GNAO1: variants seen among roughly 807,000 people sequenced by gnomAD.
The protein encoded by GNAO1 is G protein subunit alpha o1.
For missense variants in GNAO1, 166 were observed against 478.7 expected, an observed-to-expected ratio of 0.35 and a Z score of 6.10; for synonymous variants, 164 against 180.7, an observed-to-expected ratio of 0.91 and a Z score of 0.74.
At chr16:56,341,467 G>T (rs560161566) in intron 6 of GNAO1, among the ~76,000 whole-genome samples, 2 of 152,352 alleles carry the variant, frequency 1.3e-5, no homozygotes, top group African/African-American at 4.8e-5. Context: ...CTCACCAGGT[G>T]CTATGAAGAG....
rs1441490527 is a variant in GNAO1 at position 56,203,001 on chromosome 16, C to G, written c.161+10385C>G. Among the ~76,000 whole-genome samples, 3 of 152,248 alleles carry G rather than the reference C, an allele frequency of 2.0e-5. No homozygotes were observed. In the South Asian group the frequency reaches 6.2e-4, roughly 32 times the overall value. ...CTGGGGTTACACCTTTAGGGGAGGCCTCGTACTGATCACAGAGGGATCCAA... is the reference window on the plus strand; with the variant it reads ...CTGGGGTTACACCTTTAGGGGAGGCGTCGTACTGATCACAGAGGGATCCAA... On this transcript the variant is annotated intron_variant, in intron 2 of 8. Coordinates refer to ENST00000262493, the MANE Select transcript of GNAO1 (RefSeq NM_020988.3).
At chr16:56,279,347 G>T (rs978520227) in intron 3 of GNAO1, among the ~76,000 whole-genome samples, 1 of 152,142 alleles carries the variant, frequency 6.6e-6, no homozygotes, top group Admixed American at 6.5e-5. Context: ...GTGACTGTGC[G>T]TGAGCCTGAA....
At chr16:56,220,738 T>G (rs78261386) in intron 2 of GNAO1, among the ~76,000 whole-genome samples, 7,476 of 151,430 alleles carry the variant, frequency 0.049, 212 homozygotes, top group Middle Eastern at 0.071. Context: ...GCGTGGGTTT[T>G]TTGTTGTTGT....
At chr16:56,314,195 T>C (rs72814456) in intron 3 of GNAO1, among the ~76,000 whole-genome samples, 5,809 of 152,320 alleles carry the variant, frequency 0.038, 122 homozygotes, top group South Asian at 0.059. Context: ...AAGTTTACAG[T>C]GGTAAACACA....
chr16:56,278,210 T>A (rs2037081847), intron 3 of GNAO1, among the ~76,000 whole-genome samples: 1 of 152,206 alleles, frequency 6.6e-6, no homozygotes, highest in South Asian at 2.1e-4. Context: ...CGGGACTCCC[T>A]GGAGAGTCCA....
intron 2 of GNAO1, among the ~76,000 whole-genome samples, chr16:56,215,155 C>T (rs939513300): frequency 2.6e-5 from 4 of 152,288 alleles, no homozygotes; most frequent in African/African-American, 9.6e-5. Context: ...CTCCAAGGGC[C>T]GCTCAAGTCT....
At chr16:56,337,403 T>G (rs1463391991) in intron 6 of GNAO1, among the ~76,000 whole-genome samples, 2 of 151,974 alleles carry the variant, frequency 1.3e-5, no homozygotes, top group African/African-American at 4.8e-5. Context: ...GGAAGGGCAA[T>G]GGGGATGAGG....
chr16:56,345,916 A>T, intron 6 of GNAO1: 5 of 985,466 alleles, frequency 5.1e-6, no homozygotes, highest in Non-Finnish European at 6.0e-6. Context: ...GGTGGAAGTC[A>T]CTGGGCTGGA....
chr16:56,303,360 G>A (rs1162141902), intron 3 of GNAO1, among the ~76,000 whole-genome samples: 1 of 152,230 alleles, frequency 6.6e-6, no homozygotes, highest in African/African-American at 2.4e-5. Flanking sequence ...AGAGCCCCAT[G>A]TGGAGGCTGG....
At chr16:56,230,019 G>A (rs1161066297) in intron 2 of GNAO1, among the ~76,000 whole-genome samples, 1 of 152,044 alleles carries the variant, frequency 6.6e-6, no homozygotes, top group Non-Finnish European at 1.5e-5. Context: ...AAAAATCCAT[G>A]TGAATTTCTG....
chr16:56,344,148 G>A (rs1278570603), intron 6 of GNAO1: 1 of 1,438,198 alleles, frequency 7.0e-7, no homozygotes, highest in Non-Finnish European at 9.1e-7. Flanking sequence ...GGCGGGGCGG[G>A]GCTGCTGAGT....
intron 2 of GNAO1, among the ~76,000 whole-genome samples, chr16:56,219,186 A>G (rs2036462303): frequency 6.6e-6 from 1 of 152,208 alleles, no homozygotes; most frequent in Non-Finnish European, 1.5e-5. Context: ...CTGGTGCCCA[A>G]TGACCATACC....
chr16:56,252,764 C>T (rs1221984423), intron 2 of GNAO1, among the ~76,000 whole-genome samples: 4 of 152,346 alleles, frequency 2.6e-5, no homozygotes, highest in Non-Finnish European at 5.9e-5. Flanking sequence ...TCCCAACCTT[C>T]CTCCTGGCCC....
intron 3 of GNAO1, among the ~76,000 whole-genome samples, chr16:56,286,443 G>A (rs2037168934): frequency 6.6e-6 from 1 of 152,084 alleles, no homozygotes; most frequent in Non-Finnish European, 1.5e-5. Flanking sequence ...GTGGGGAGTG[G>A]GGGCTTGATC....
intron 4 of GNAO1, among the ~76,000 whole-genome samples, chr16:56,332,474 G>A (rs189847155): frequency 6.6e-6 from 1 of 152,102 alleles, no homozygotes; most frequent in Admixed American, 6.5e-5. Context: ...ATCACTAATA[G>A]CCTGATTCGT....
chr16:56,228,228 G>T (rs1480042218), intron 2 of GNAO1, among the ~76,000 whole-genome samples: 1 of 152,142 alleles, frequency 6.6e-6, no homozygotes, highest in Non-Finnish European at 1.5e-5. Flanking sequence ...GCTTCCCCAG[G>T]CTTAGCCAGG....
chr16:56,282,054 A>C lies in GNAO1; in HGVS notation c.303+5982A>C, dbSNP rs139102969. 2.3e-4 allele frequency among the ~76,000 whole-genome samples: 35 copies of C among 152,296 alleles called. No individual in the cohort carries two copies. In the East Asian group the frequency reaches 6.4e-3, roughly 28 times the overall value. On this transcript the variant is annotated intron_variant, in intron 3 of 8. Coordinates refer to ENST00000262493, the MANE Select transcript of GNAO1 (RefSeq NM_020988.3). Reference sequence around the variant, plus strand: ...ATACTCCAGTTTTCATTTTTTCACTATTTGTGCCTATGCCTGTTTCTCTCA... The same window carrying C: ...ATACTCCAGTTTTCATTTTTTCACTCTTTGTGCCTATGCCTGTTTCTCTCA...
At chr16:56,319,222 T>A in intron 3 of GNAO1, among the ~76,000 whole-genome samples, 1 of 152,212 alleles carries the variant, frequency 6.6e-6, no homozygotes, top group East Asian at 1.9e-4. Context: ...ATACCTGGGC[T>A]TTTCCAAGTC....
At chr16:56,257,567 C>G (rs2036864183) in intron 2 of GNAO1, among the ~76,000 whole-genome samples, 1 of 152,068 alleles carries the variant, frequency 6.6e-6, no homozygotes, top group Non-Finnish European at 1.5e-5. Context: ...GTGGTATCCC[C>G]CAGTGAGGCT....
Sources: gnomAD v4.1 joint callset for allele counts (sites outside exome capture counted in the v4.1 genomes callset) on GRCh38, gnomAD v4.1.1 for gene constraint, MANE v1.5 for transcripts, NCBI Gene and HGNC (gene_info 2026-07-23, HGNC 2026-07-21) for gene names.